Variants in FATE1 observed in about 807,000 individuals in gnomAD.
FATE1 encodes the protein fetal and adult testis-expressed transcript protein.
FATE1 carries 18 observed loss-of-function variants against 16.0 expected under a neutral mutation model. The ratio of observed to expected loss-of-function variants is 1.12; its 90% confidence interval spans 0.78 to 1.66. The LOEUF (loss-of-function observed/expected upper bound fraction) is 1.66. Ranked by LOEUF, FATE1 falls within the 40% of genes most tolerant of loss-of-function variation. The probability of loss-of-function intolerance (pLI) is 0.00; values close to 1 mark genes in which losing one functional copy is unlikely to be tolerated. For synonymous variants in FATE1, 76 were observed against 56.9 expected (o/e 1.34, Z -1.51); for missense variants, 169 against 152.7 (o/e 1.11, Z -0.56).
chrX:151,717,615 A>G (rs2015073025), intron 2 of FATE1, among the ~76,000 whole-genome samples: 1 of 112,508 alleles, frequency 8.9e-6, no homozygotes, highest in African/African-American at 3.2e-5. Context: ...GGAATTCAGA[A>G]TGCCTGAAAC....
chrX:151,718,176 A>G (rs111998984), intron 2 of FATE1, among the ~76,000 whole-genome samples: 8,303 of 94,802 alleles, frequency 0.088, 561 homozygotes, highest in African/African-American at 0.19. Flanking sequence ...AAGGAAGGGG[A>G]AAAGAAAGGA....
intron 1 of FATE1, among the ~76,000 whole-genome samples, 182 bp from the exon 2 acceptor site, chrX:151,717,090 G>C (rs1478055235): frequency 4.5e-5 from 5 of 111,415 alleles, no homozygotes; most frequent in African/African-American, 1.6e-4. Context: ...GGAAATTCCG[G>C]TTTAACTTTT....
chrX:151,716,262 A>T (rs1261225984), intron 1 of FATE1, 37 bp downstream of exon 1: 11 of 1,086,171 alleles, frequency 1.0e-5, no homozygotes, highest in South Asian at 2.0e-5. Context: ...GCTACAGCCA[A>T]CTGTGTAGAT....
chrX:151,721,426 G>C lies in FATE1; in HGVS notation c.266G>C (p.Arg89Thr), dbSNP rs377037092. 1.3e-4 allele frequency: 161 copies of C among 1,211,273 alleles called. No individual in the cohort carries two copies. Among genetic ancestry groups the C allele is most frequent in the Non-Finnish European group, 1.8e-4 (157 of 895,458 alleles). Residue 89 changes from arginine to threonine, a missense_variant, in exon 3 of 5, where the codon AGA becomes ACA. By Grantham distance (71) the Arg-to-Thr change is moderately conservative (BLOSUM62 -1). Transcript: ENST00000370350. Reference sequence around the variant, plus strand: ...CAGCTGCCAAAGCCCAGAATGCTGAGAGAATCAGGCCATGGGGATGCCCAT... The same window carrying C: ...CAGCTGCCAAAGCCCAGAATGCTGACAGAATCAGGCCATGGGGATGCCCAT... ...GSQLPKPRML[R>T]ESGHGDAHLQ...
At position 151,721,914 on chromosome X, in the gene FATE1, C is replaced by T. The variant is rs758256359; in HGVS notation, c.353C>T (p.Thr118Ile). The T allele has an allele frequency of 1.7e-6, 2 of 1,211,216 alleles. No individual in the cohort carries two copies. The highest frequency in any genetic ancestry group is 5.9e-5 in the East Asian group (2 of 33,820). The change falls in exon 4 of 5, where the codon ACA (threonine) becomes ATA (isoleucine). Residue 118 changes from threonine (T) to isoleucine (I), a missense_variant. Transcript: ENST00000370350. ...TTTTTCTCTCCCAGCAACCCAGGGA[C>T]AGATGCAGTGGCGCAGACTAGCCTG... ...IRFHYDRNPG[T>I]DAVAQTSLEE...
At chrX:151,717,717 C>CGTGT (rs59141256) in intron 2 of FATE1, among the ~76,000 whole-genome samples, 31 of 109,264 alleles carry the variant, frequency 2.8e-4, no homozygotes, top group Middle Eastern at 4.7e-3. Context: ...GTGTGTGGTA[C>CGTGT]GTGTGTGTGT....
chrX:151,721,089 C>A (rs187775948), intron 2 of FATE1, among the ~76,000 whole-genome samples: 169 of 112,793 alleles, frequency 1.5e-3, no homozygotes, highest in African/African-American at 5.1e-3. Context: ...GGTTGCTCAG[C>A]CTCTCAGCTA....
chrX:151,718,111 AGG>A (rs2015078456), intron 2 of FATE1, among the ~76,000 whole-genome samples: 1 of 7,604 alleles, frequency 1.3e-4, no homozygotes, highest in Non-Finnish European at 2.4e-4. Context: ...AGAGAGAGAG[AGG>A]AAGGAAGGAA....
Position 151,722,900 on chromosome X carries a change from G to A in FATE1, c.*141G>A. Reference sequence around the variant, plus strand: ...TCAGGATCATTTTCAACTCTGGTTAGGCCTCCTACCTGGGGAGGCCAGGTC... The same window carrying A: ...TCAGGATCATTTTCAACTCTGGTTAAGCCTCCTACCTGGGGAGGCCAGGTC... On this transcript the variant is annotated 3_prime_UTR_variant, in exon 5 of 5. Transcript: ENST00000370350. 1.2e-6 allele frequency: 1 copy of A among 835,829 alleles called. No homozygotes were observed. The highest frequency in any genetic ancestry group is 2.7e-5 in the South Asian group (1 of 37,256). 68.9% of individuals were successfully genotyped at this position (835,829 alleles called of 1,213,427 possible).
chrX:151,720,776 G>T (rs192454637), intron 2 of FATE1, among the ~76,000 whole-genome samples: 11 of 112,075 alleles, frequency 9.8e-5, no homozygotes, highest in African/African-American at 1.6e-4. Flanking sequence ...GCCCAGGCAG[G>T]TCTGGCACCA....
chrX:151,721,633 C>T (rs766060205), intron 3 of FATE1, 132 bp downstream of exon 3: 14 of 586,507 alleles, frequency 2.4e-5, no homozygotes, highest in Non-Finnish European at 3.3e-5. Flanking sequence ...ACCATGAGTA[C>T]CCTGGCTCCC....
At chrX:151,721,189 C>T (rs184786505) in intron 2 of FATE1, among the ~76,000 whole-genome samples, 4 of 112,264 alleles carry the variant, frequency 3.6e-5, no homozygotes, top group Non-Finnish European at 5.6e-5. Context: ...CAAGAGCTAC[C>T]GAGGAGCATG....
Position 151,721,515 on chromosome X carries a change from G to T in FATE1, c.341+14G>T. 8.4e-7 allele frequency: 1 copy of T among 1,190,214 alleles called. No homozygotes were observed. The highest frequency in any genetic ancestry group is 1.1e-6 in the Non-Finnish European group (1 of 875,835). ...CCATTATGATCGGTAAGAGCTGAGG[G>T]TCTGTGGGCCCTGGCTGCTCAGACA... On this transcript the variant is annotated intron_variant, in intron 3 of 4. Transcript: ENST00000370350.
rs770443822 is a variant in FATE1 at position 151,722,769 on chromosome X, C to T, written c.*10C>T. Reference sequence around the variant, plus strand: ...GTGGATGAACCAGTGATCGCCCCAGCGCGGCCTCCGTATTGGAGCCCTCCC... The same window carrying T: ...GTGGATGAACCAGTGATCGCCCCAGTGCGGCCTCCGTATTGGAGCCCTCCC... On this transcript the variant is annotated 3_prime_UTR_variant, in exon 5 of 5. Transcript: ENST00000370350. 2.5e-6 allele frequency: 3 copies of T among 1,199,385 alleles called. No homozygotes were observed. The highest frequency in any genetic ancestry group is 3.4e-6 in the Non-Finnish European group (3 of 889,214).
chrX:151,719,438 C>G (rs181333316), intron 2 of FATE1, among the ~76,000 whole-genome samples: 174 of 112,054 alleles, frequency 1.6e-3, no homozygotes, highest in African/African-American at 5.3e-3. Flanking sequence ...CTGAAACAAA[C>G]AAACAAATTC....
chrX:151,717,980 G>A (rs1037549607), intron 2 of FATE1, among the ~76,000 whole-genome samples: 3 of 110,741 alleles, frequency 2.7e-5, no homozygotes, highest in African/African-American at 9.9e-5. Context: ...CAGCTACTCA[G>A]GAGGCTGAGG....
chrX:151,721,752 C>A, intron 3 of FATE1, 151 bp from the exon 4 acceptor site: 3 of 582,206 alleles, frequency 5.2e-6, no homozygotes, highest in Non-Finnish European at 8.6e-6. Context: ...CCTCAAGGCC[C>A]TAGGCCCTCT....
In FATE1 at chrX:151,722,917, G is replaced by T; in HGVS notation, c.*158G>T. 1.4e-6 allele frequency: 1 copy of T among 702,207 alleles called. No homozygotes were observed. Among genetic ancestry groups the T allele is most frequent in the African/African-American group, 2.2e-5 (1 of 45,978 alleles). 57.9% of individuals were successfully genotyped at this position (702,207 alleles called of 1,213,427 possible). A position where few individuals can be genotyped will look rare whatever the true frequency, so the allele number is the denominator to read the frequency against. ...TCTGGTTAGGCCTCCTACCTGGGGA[G>T]GCCAGGTCACTGCACTGGGAGGTCC... On this transcript the variant is annotated 3_prime_UTR_variant, in exon 5 of 5. Coordinates refer to ENST00000370350, the MANE Select transcript of FATE1 (RefSeq NM_033085.3).
In FATE1 at chrX:151,716,244, A is replaced by G. The variant is rs2099553678; in HGVS notation, c.106+19A>G. 8.8e-7 allele frequency: 1 copy of G among 1,134,623 alleles called. No individual in the cohort carries two copies. The highest frequency in any genetic ancestry group is 1.2e-6 in the Non-Finnish European group (1 of 844,349). The allele number at this position is 1,134,623 out of a possible 1,213,427, so 93.5% of individuals were successfully genotyped here. On this transcript the variant is annotated intron_variant, in intron 1 of 4. Transcript: ENST00000370350. ...ATAGCAGGTGAGGATCCCCTAAAAT[A>G]CCCCTAGGCTACAGCCAACTGTGTA... is the stretch of plus-strand genomic sequence containing the variant.
Sources: allele counts gnomAD v4.1 joint callset (sites outside exome capture counted in the v4.1 genomes callset), GRCh38; gene constraint gnomAD v4.1.1; transcripts MANE v1.5; gene names NCBI Gene and HGNC (gene_info 2026-07-23, HGNC 2026-07-21).